ARHGAP15: variants seen among roughly 807,000 people sequenced by gnomAD.
ARHGAP15 encodes rho GTPase-activating protein 15.
A neutral mutation model predicts 63.7 loss-of-function variants in ARHGAP15; 51 were observed. The ratio of observed to expected loss-of-function variants is 0.80; its 90% CI spans 0.64 to 1.01. The LOEUF (loss-of-function observed/expected upper bound fraction) is 1.01. ARHGAP15 is among the 50% of genes least tolerant of loss of function. The pLI is 0.00. For missense variants in ARHGAP15, 560 were observed against 564.6 expected (o/e 0.99, Z 0.08); for synonymous variants, 191 against 193.8 (o/e 0.99, Z 0.12).
At chr2:143,410,812 G>GT (rs35149088) in intron 6 of ARHGAP15, among the ~76,000 whole-genome samples, 2,020 of 139,268 alleles carry the variant, frequency 0.015, 35 homozygotes, top group African/African-American at 0.046. Flanking sequence ...GGAGGTGAAG[G>GT]TTTTTTTTTT....
At chr2:143,413,206 ATG>A (rs1337687574) in intron 6 of ARHGAP15, among the ~76,000 whole-genome samples, 3 of 152,186 alleles carry the variant, frequency 2.0e-5, no homozygotes, top group Admixed American at 2.0e-4. Context: ...TCCAGAAAGA[ATG>A]TGTTTCTTTT....
chr2:143,363,949 T>G (rs1332263371), intron 6 of ARHGAP15, among the ~76,000 whole-genome samples: 1 of 152,210 alleles, frequency 6.6e-6, no homozygotes, highest in East Asian at 1.9e-4. Flanking sequence ...TGAGGATTAC[T>G]ACTAATAGAT....
intron 13 of ARHGAP15, among the ~76,000 whole-genome samples, chr2:143,739,644 C>G (rs1446323653): frequency 6.6e-6 from 1 of 152,080 alleles, no homozygotes; most frequent in African/African-American, 2.4e-5. Context: ...TTCCTGCTAC[C>G]CTTGAACCCA....
At chr2:143,599,207 C>T (rs1697657115) in intron 11 of ARHGAP15, among the ~76,000 whole-genome samples, 1 of 152,050 alleles carries the variant, frequency 6.6e-6, no homozygotes, top group South Asian at 2.1e-4. Flanking sequence ...TTTGTCTATT[C>T]ACCAAATGCT....
At chr2:143,461,888 G>A (rs997900287) in intron 8 of ARHGAP15, among the ~76,000 whole-genome samples, 12 of 152,102 alleles carry the variant, frequency 7.9e-5, no homozygotes, top group South Asian at 4.1e-4. Flanking sequence ...AGACTTATCG[G>A]CCTGCTGCTG....
chr2:143,492,950 C>A (rs13027458), intron 9 of ARHGAP15, among the ~76,000 whole-genome samples: 1 of 151,376 alleles, frequency 6.6e-6, no homozygotes, highest in African/African-American at 2.4e-5. Flanking sequence ...CCCAGCTACT[C>A]GGGAGGCTGA....
At chr2:143,440,831 C>G (rs1277676094) in intron 8 of ARHGAP15, among the ~76,000 whole-genome samples, 1 of 152,056 alleles carries the variant, frequency 6.6e-6, no homozygotes, top group Non-Finnish European at 1.5e-5. Context: ...CCAGGGAGGG[C>G]TGTTATGGAA....
chr2:143,378,575 T>A (rs1212987417), intron 6 of ARHGAP15, among the ~76,000 whole-genome samples: 1 of 152,048 alleles, frequency 6.6e-6, no homozygotes, highest in Non-Finnish European at 1.5e-5. Flanking sequence ...AAAACAAAAA[T>A]CAATGGGAAC....
At chr2:143,153,047 C>T (rs1183837566) in intron 1 of ARHGAP15, among the ~76,000 whole-genome samples, 7 of 151,930 alleles carry the variant, frequency 4.6e-5, no homozygotes, top group Non-Finnish European at 1.0e-4. Context: ...TTGACAGTAG[C>T]ATATCACTAG....
At chr2:143,698,804 T>A (rs1049127131) in intron 12 of ARHGAP15, among the ~76,000 whole-genome samples, 1 of 152,134 alleles carries the variant, frequency 6.6e-6, no homozygotes, top group Non-Finnish European at 1.5e-5. Context: ...TGGAGTTCAT[T>A]ACTTCTGGAA....
Position 143,542,018 on chromosome 2 carries a change from G to C in ARHGAP15, c.926-14390G>C, listed in dbSNP as rs187255133. Among the ~76,000 whole-genome samples, 845 of 152,316 alleles carry C rather than the reference G, an allele frequency of 5.5e-3. 9 individuals are homozygous for C. The highest frequency in any genetic ancestry group is 0.019 in the African/African-American group (782 of 41,566). ...GGCAGGCCTCCTTGAGCTGTGGTGG[G>C]CTCCACCCAGTTCGAGGTTCCTGGC... On this transcript the variant is annotated intron_variant, in intron 10 of 13. Coordinates refer to ENST00000295095, the MANE Select transcript of ARHGAP15 (RefSeq NM_018460.4).
At chr2:143,175,453 T>TA (rs1690976798) in intron 2 of ARHGAP15, among the ~76,000 whole-genome samples, 1 of 152,178 alleles carries the variant, frequency 6.6e-6, no homozygotes, top group South Asian at 2.1e-4. Context: ...AATGACCTGA[T>TA]AGCCTTTTGA....
intron 6 of ARHGAP15, among the ~76,000 whole-genome samples, chr2:143,270,554 G>T (rs1184488970): frequency 6.6e-6 from 1 of 152,102 alleles, no homozygotes; most frequent in Non-Finnish European, 1.5e-5. Context: ...ATATCATTTG[G>T]TAATTAATGA....
chr2:143,426,707 G>T (rs1689150995), intron 6 of ARHGAP15, among the ~76,000 whole-genome samples: 1 of 152,120 alleles, frequency 6.6e-6, no homozygotes, highest in African/African-American at 2.4e-5. Context: ...CCAACTTTGG[G>T]TAGCGAGTCC....
At chr2:143,597,770 A>G (rs1247991779) in intron 11 of ARHGAP15, among the ~76,000 whole-genome samples, 1 of 152,148 alleles carries the variant, frequency 6.6e-6, no homozygotes, top group African/African-American at 2.4e-5. Flanking sequence ...GCTCAATATC[A>G]ACAGATTCTT....
chr2:143,659,294 C>T (rs116425584), intron 12 of ARHGAP15, among the ~76,000 whole-genome samples: 535 of 152,206 alleles, frequency 3.5e-3, no homozygotes, highest in African/African-American at 0.012. Context: ...TAATATGCGG[C>T]ATAGGGGGTG....
intron 6 of ARHGAP15, among the ~76,000 whole-genome samples, chr2:143,263,923 T>C (rs1242362373): frequency 1.7e-5 from 2 of 117,266 alleles, no homozygotes; most frequent in African/African-American, 8.6e-5. Flanking sequence ...TTTTTTTTTT[T>C]TTTTTTTTTT....
intron 6 of ARHGAP15, among the ~76,000 whole-genome samples, chr2:143,428,610 A>T (rs1295734841): frequency 6.6e-6 from 1 of 152,104 alleles, no homozygotes; most frequent in Non-Finnish European, 1.5e-5. Flanking sequence ...TCATAATAAT[A>T]TACATGATAT....
intron 6 of ARHGAP15, among the ~76,000 whole-genome samples, chr2:143,341,959 GA>G (rs1415776395): frequency 6.6e-6 from 1 of 151,910 alleles, no homozygotes; most frequent in Non-Finnish European, 1.5e-5. Context: ...TCAAACTTAA[GA>G]AATAGTTTTA....
Sources: allele counts gnomAD v4.1 joint callset (sites outside exome capture counted in the v4.1 genomes callset), GRCh38; gene constraint gnomAD v4.1.1; transcripts MANE v1.5; gene names NCBI Gene and HGNC (gene_info 2026-07-23, HGNC 2026-07-21).